The following RRM2 variants were observed in gnomAD, a reference collection of about 807,000 sequenced individuals.
RRM2 encodes ribonucleoside-diphosphate reductase subunit M2.
Under a neutral mutation model 45.9 loss-of-function variants are expected in RRM2, and 6 were observed. The observed-to-expected ratio is 0.13, with a 90% CI of 0.07 to 0.26. RRM2 has a LOEUF of 0.26. Among genes scored for constraint, RRM2 ranks in the 10% least tolerant of loss-of-function variants. RRM2 has a pLI of 1.00. For missense variants in RRM2, 343 were observed against 489.5 expected (o/e 0.70, Z 2.82); for synonymous variants, 177 against 173.0 (o/e 1.02, Z -0.18).
chr2:10,182,501 T>C (rs1433918888), intron 3 of RRM2, among the ~76,000 whole-genome samples: 1 of 152,098 alleles, frequency 6.6e-6, no homozygotes, highest in African/African-American at 2.4e-5. Flanking sequence ...AAAATAAATA[T>C]ACACAGTTTT....
At position 10,169,268 on chromosome 2, in the gene RRM2, G is replaced by A. The variant is rs1393573736; in HGVS notation, n.482+26893G>A. On this transcript the variant is annotated intron_variant and non_coding_transcript_variant, in intron 3 of 3. Coordinates refer to the RRM2 transcript ENST00000381786. This position sits in a 1 kb window ranked among gnomAD's most constrained non-coding sequence, Gnocchi z 5.1. ...GCTGGGATTACAGGTGTGCGCCACT[G>A]TGCCCAGCTGCTTCTCTTTGTAAGT... 6.6e-6 allele frequency among the ~76,000 whole-genome samples: 1 copy of A among 151,500 alleles called. No individual in the cohort carries two copies. The highest frequency in any genetic ancestry group is 2.4e-5 in the African/African-American group (1 of 41,156).
intron 3 of RRM2, among the ~76,000 whole-genome samples, chr2:10,186,520 C>T (rs898856497): frequency 6.6e-6 from 1 of 151,384 alleles, no homozygotes; most frequent in Non-Finnish European, 1.5e-5. Flanking sequence ...CCTGGTGAAC[C>T]GTAGTGTGTA....
At chr2:10,132,656 A>G (rs1572492527), downstream of RRM2, among the ~76,000 whole-genome samples, 2 of 152,234 alleles carry the variant, frequency 1.3e-5, no homozygotes, top group East Asian at 1.9e-4. Context: ...GGTGGATGGT[A>G]TCTTGGGTAA....
chr2:10,149,365 G>A (rs1663258228), intron 3 of RRM2, among the ~76,000 whole-genome samples: 1 of 152,154 alleles, frequency 6.6e-6, no homozygotes, highest in Admixed American at 6.6e-5. Flanking sequence ...CTGGCCTCAG[G>A]TGATCTGCCC....
intron 3 of RRM2, among the ~76,000 whole-genome samples, chr2:10,200,354 G>A (rs1664521733): frequency 6.6e-6 from 1 of 152,170 alleles, no homozygotes; most frequent in South Asian, 2.1e-4. Context: ...CTGTGAGAAA[G>A]TGACATTCCT....
At chr2:10,167,536 CCT>C (rs1483604405) in intron 3 of RRM2, among the ~76,000 whole-genome samples, 1 of 152,176 alleles carries the variant, frequency 6.6e-6, no homozygotes, top group Non-Finnish European at 1.5e-5. Context: ...TTCTTTCTCT[CCT>C]CTCAGGCTGT....
rs1049792343 is a variant in RRM2, at chr2:10,169,427, G to T, written n.482+27052G>T. ...TTGTTCTAGAAAAGTGCTCATAGGCGCTGTGAAGGCCTTGATGTCCTCTGG... is the reference window on the plus strand; with the variant it reads ...TTGTTCTAGAAAAGTGCTCATAGGCTCTGTGAAGGCCTTGATGTCCTCTGG... On this transcript the variant is annotated intron_variant and non_coding_transcript_variant, in intron 3 of 3. Coordinates refer to the RRM2 transcript ENST00000381786. The surrounding 1 kb of genome is among the most constrained non-coding windows in gnomAD (Gnocchi z 5.1). 1.3e-5 allele frequency among the ~76,000 whole-genome samples: 2 copies of T among 152,182 alleles called. No homozygotes were observed. The highest frequency in any genetic ancestry group is 2.9e-5 in the Non-Finnish European group (2 of 68,032).
intron 3 of RRM2, among the ~76,000 whole-genome samples, chr2:10,142,545 C>T (rs912707581): frequency 0.13 from 10 of 78 alleles, no homozygotes; most frequent in African/African-American, 0.25. Context: ...TGTGGCCAGG[C>T]GGGGGAGCTT....
chr2:10,194,460 G>T (rs1664371607), intron 3 of RRM2, among the ~76,000 whole-genome samples: 1 of 152,216 alleles, frequency 6.6e-6, no homozygotes, highest in African/African-American at 2.4e-5. Flanking sequence ...GGGATGGGGT[G>T]TGTGTGTGAG....
chr2:10,170,356 G>T (rs758788769), intron 3 of RRM2, among the ~76,000 whole-genome samples: 2 of 151,918 alleles, frequency 1.3e-5, no homozygotes, highest in African/African-American at 2.4e-5. Context: ...CTCAAGAAGC[G>T]GTCACTTGGC....
chr2:10,175,791 A>C (rs1409767303), intron 3 of RRM2, among the ~76,000 whole-genome samples: 1 of 151,778 alleles, frequency 6.6e-6, no homozygotes, highest in Non-Finnish European at 1.5e-5. Flanking sequence ...TTTTTAATAG[A>C]GACAGGGTTT....
downstream of RRM2, among the ~76,000 whole-genome samples, chr2:10,135,187 GT>G (rs1277045898): frequency 6.6e-6 from 1 of 151,548 alleles, no homozygotes; most frequent in African/African-American, 2.4e-5. Flanking sequence ...AGAGAAATTG[GT>G]TGGTCCACAG....
At chr2:10,177,710 T>TTCCTTC (rs1553326755) in intron 3 of RRM2, among the ~76,000 whole-genome samples, 6 of 116,488 alleles carry the variant, frequency 5.2e-5, no homozygotes, top group African/African-American at 1.9e-4. Context: ...TTCCTTCCTC[T>TTCCTTC]CTCCCTCCCT....
chr2:10,149,443 TTTG>T (rs976348390), intron 3 of RRM2, among the ~76,000 whole-genome samples: 2 of 152,228 alleles, frequency 1.3e-5, no homozygotes, highest in South Asian at 2.1e-4. Flanking sequence ...TTTATTAATT[TTTG>T]TTGTTGTTTA....
intron 3 of RRM2, among the ~76,000 whole-genome samples, chr2:10,177,706 C>T (rs892581286): frequency 2.1e-5 from 3 of 139,584 alleles, no homozygotes; most frequent in Admixed American, 1.4e-4. Context: ...TTCCTTCCTT[C>T]CTCTCTCCCT....
intron 3 of RRM2, among the ~76,000 whole-genome samples, chr2:10,156,895 T>C (rs1383821982): frequency 2.0e-5 from 3 of 152,142 alleles, no homozygotes; most frequent in African/African-American, 7.2e-5. Flanking sequence ...TGCCTCCCCT[T>C]GGGCTCCCAA....
intron 3 of RRM2, among the ~76,000 whole-genome samples, chr2:10,176,330 G>A (rs1408916425): frequency 2.0e-5 from 3 of 151,936 alleles, no homozygotes; most frequent in African/African-American, 7.3e-5. Context: ...GTGCAATGGC[G>A]CAATCTTGAC....
chr2:10,126,144 G>C (rs1662773005), intron 5 of RRM2, among the ~76,000 whole-genome samples: 1 of 130,964 alleles, frequency 7.6e-6, no homozygotes, highest in Non-Finnish European at 1.6e-5. Context: ...GGGCAACAGA[G>C]TGAGACCCTC....
At chr2:10,170,613 G>A (rs1282097541) in intron 3 of RRM2, among the ~76,000 whole-genome samples, 4 of 152,112 alleles carry the variant, frequency 2.6e-5, no homozygotes, top group Non-Finnish European at 5.9e-5. Context: ...CATTTGGGTC[G>A]GCAGTGGGGA....
Sources: allele counts gnomAD v4.1 joint callset (sites outside exome capture counted in the v4.1 genomes callset), GRCh38; gene constraint gnomAD v4.1.1; non-coding constraint Gnocchi (gnomAD v3.1); transcripts MANE v1.5; gene names NCBI Gene and HGNC (gene_info 2026-07-23, HGNC 2026-07-21).